C1orf21: variants seen among roughly 807,000 people sequenced by gnomAD.
C1orf21 encodes uncharacterized protein C1orf21.
C1orf21 carries 3 observed loss-of-function variants against 18.7 expected under a neutral mutation model. That is an observed-to-expected ratio of 0.16 (90% CI 0.07 to 0.42). The LOEUF is 0.42. Ranked by LOEUF, C1orf21 falls within the 10% of genes least tolerant of loss-of-function variation. The probability of loss-of-function intolerance (pLI) is 0.99; values close to 1 mark genes in which losing one functional copy is unlikely to be tolerated. For synonymous variants in C1orf21, 41 were observed against 46.4 expected (o/e 0.88, Z 0.47); for missense variants, 104 against 143.6 (o/e 0.72, Z 1.41).
At position 184,452,646 on chromosome 1, in the gene C1orf21, A is replaced by T. The variant is rs558792735; in HGVS notation, c.-124-24740A>T. Among the ~76,000 whole-genome samples, 9 of 152,364 alleles carry T rather than the reference A, an allele frequency of 5.9e-5. No homozygotes were observed. The South Asian group carries it at 1.9e-3, about 32-fold the overall frequency. On this transcript the variant is annotated intron_variant, in intron 1 of 5. Transcript: ENST00000235307. ...TACATCTGTGTGGTCAATGGCTCAG[A>T]ACAAACTTTGATTGATCTTTTTATA...
chr1:184,449,798 C>T (rs1657095512), intron 1 of C1orf21, among the ~76,000 whole-genome samples: 1 of 152,152 alleles, frequency 6.6e-6, no homozygotes, highest in Non-Finnish European at 1.5e-5. Flanking sequence ...TATGGATTAG[C>T]AACTGTGAGT....
At chr1:184,492,933 C>T (rs1356609071) in intron 2 of C1orf21, among the ~76,000 whole-genome samples, 2 of 152,192 alleles carry the variant, frequency 1.3e-5, no homozygotes, top group African/African-American at 4.8e-5. Flanking sequence ...TCAAGAGCTA[C>T]TGTACTATGA....
At chr1:184,579,391 T>G (rs1469440720) in intron 3 of C1orf21, among the ~76,000 whole-genome samples, 3 of 126,356 alleles carry the variant, frequency 2.4e-5, no homozygotes, top group South Asian at 2.5e-4. Context: ...TTTTTTTTTT[T>G]TTTTTTTTTT....
intron 2 of C1orf21, among the ~76,000 whole-genome samples, chr1:184,495,907 G>A (rs1657886067): frequency 7.9e-6 from 1 of 126,434 alleles, no homozygotes; most frequent in Non-Finnish European, 1.6e-5. Flanking sequence ...GACAGAGTGA[G>A]ACTCTGTCTC....
chr1:184,427,857 C>T (rs1483036994), intron 1 of C1orf21, among the ~76,000 whole-genome samples: 1 of 152,170 alleles, frequency 6.6e-6, no homozygotes, highest in Non-Finnish European at 1.5e-5. Flanking sequence ...TCATTTTGGG[C>T]ACAGCCATCC....
chr1:184,577,940 TTGTTTTGTTTTTG>T (rs1659216123), intron 3 of C1orf21, among the ~76,000 whole-genome samples: 2 of 131,868 alleles, frequency 1.5e-5, no homozygotes, highest in African/African-American at 6.1e-5. Flanking sequence ...CGTTTGTTTT[TTGTTTTGTTTTTG>T]TTTTTTTTTT....
intron 3 of C1orf21, among the ~76,000 whole-genome samples, chr1:184,511,604 G>A (rs912232682): frequency 1.3e-5 from 2 of 152,172 alleles, no homozygotes; most frequent in South Asian, 4.1e-4. Context: ...TGGGCCTATA[G>A]GTATACATTT....
chr1:184,497,510 G>A (rs1324740038), intron 2 of C1orf21, among the ~76,000 whole-genome samples: 2 of 152,186 alleles, frequency 1.3e-5, no homozygotes, highest in Non-Finnish European at 2.9e-5. Context: ...AGCTTTCAGG[G>A]GGCTTTCTTC....
chr1:184,425,312 G>A (rs1403395647), intron 1 of C1orf21, among the ~76,000 whole-genome samples: 1 of 151,388 alleles, frequency 6.6e-6, no homozygotes, highest in Non-Finnish European at 1.5e-5. Context: ...CTGGCACCCA[G>A]GATGGAGTGC....
chr1:184,451,164 T>C (rs1657114434), intron 1 of C1orf21, among the ~76,000 whole-genome samples: 1 of 152,200 alleles, frequency 6.6e-6, no homozygotes, highest in East Asian at 1.9e-4. Context: ...AGGTGTGAAC[T>C]GCCATGCCTG....
At chr1:184,428,320 G>GA (rs1557969806) in intron 1 of C1orf21, among the ~76,000 whole-genome samples, 1 of 152,310 alleles carries the variant, frequency 6.6e-6, no homozygotes, top group African/African-American at 2.4e-5. Context: ...GTGCTGCATG[G>GA]AAAAAACATT....
chr1:184,591,138 A>G (rs113329043), intron 4 of C1orf21, among the ~76,000 whole-genome samples: 1 of 152,214 alleles, frequency 6.6e-6, no homozygotes, highest in African/African-American at 2.4e-5. Context: ...ATCTATCTGC[A>G]GGGAGGTCAT....
chr1:184,539,073 T>C (rs549543424), intron 3 of C1orf21, among the ~76,000 whole-genome samples: 2 of 152,330 alleles, frequency 1.3e-5, no homozygotes, highest in South Asian at 4.1e-4. Flanking sequence ...CTTCCCTTGT[T>C]CTTGATATTA....
intron 2 of C1orf21, among the ~76,000 whole-genome samples, 159 bp from the exon 3 acceptor site, chr1:184,507,429 A>G (rs1490414870): frequency 6.6e-6 from 1 of 152,198 alleles, no homozygotes; most frequent in Non-Finnish European, 1.5e-5. Flanking sequence ...AAGATCTAAG[A>G]TGCCTAGTTA....
intron 3 of C1orf21, among the ~76,000 whole-genome samples, chr1:184,509,160 T>C (rs1658109343): frequency 6.6e-6 from 1 of 152,226 alleles, no homozygotes; most frequent in African/African-American, 2.4e-5. Flanking sequence ...TGCTTATGTC[T>C]CTAGAACCAA....
At chr1:184,474,655 A>G (rs1156517862) in intron 1 of C1orf21, among the ~76,000 whole-genome samples, 3 of 152,182 alleles carry the variant, frequency 2.0e-5, no homozygotes, top group African/African-American at 7.2e-5. Context: ...GGACTCTCAA[A>G]GAGGATGATT....
intron 3 of C1orf21, among the ~76,000 whole-genome samples, chr1:184,561,549 C>A (rs550463400): frequency 6.6e-6 from 1 of 152,148 alleles, no homozygotes; most frequent in Non-Finnish European, 1.5e-5. Flanking sequence ...TTTTAAGTTG[C>A]TCCCTGAAAA....
chr1:184,619,468 TCTG>T, intron 5 of C1orf21, 47 bp from the exon 6 acceptor site: 1 of 1,585,316 alleles, frequency 6.3e-7, no homozygotes, highest in Middle Eastern at 1.7e-4. Flanking sequence ...TATTTCAGGC[TCTG>T]CTTTGAATTT....
chr1:184,579,811 A>G (rs1397245950), intron 3 of C1orf21, among the ~76,000 whole-genome samples: 4 of 152,164 alleles, frequency 2.6e-5, no homozygotes. Context: ...GCCCAGCCCA[A>G]GATTTTCTTA....
Sources: gnomAD v4.1 joint callset for allele counts (sites outside exome capture counted in the v4.1 genomes callset) on GRCh38, gnomAD v4.1.1 for gene constraint, MANE v1.5 for transcripts, NCBI Gene and HGNC (gene_info 2026-07-23, HGNC 2026-07-21) for gene names.